Variants in SRD5A3 observed in about 807,000 individuals in gnomAD.
The protein encoded by SRD5A3 is steroid 5 alpha-reductase 3.
In SRD5A3, 24 loss-of-function variants were observed where a neutral mutation model predicts 34.3. The observed-to-expected ratio is 0.70, with a 90% CI of 0.51 to 0.99. SRD5A3 has a LOEUF of 0.99. Ranked by LOEUF, SRD5A3 falls within the 50% of genes least tolerant of loss-of-function variation. SRD5A3 has a pLI of 0.00. For missense variants in SRD5A3, 350 were observed against 388.2 expected (o/e 0.90, Z 0.83); for synonymous variants, 161 against 167.3 (o/e 0.96, Z 0.29).
At chr4:55,352,241 A>C (rs956821911) in intron 1 of SRD5A3, 3 of 926,392 alleles carry the variant, frequency 3.2e-6, no homozygotes, top group Non-Finnish European at 5.4e-6. Flanking sequence ...TATATTGGAA[A>C]AATAAGCAGG....
Position 55,369,693 on chromosome 4 carries a change from T to C in SRD5A3, c.698-139T>C, listed in dbSNP as rs819267. ...CTACAGTGAGCCATGACTGCACGAC[T>C]GCACTCCAGCCTGGACAACAGAGCA... On this transcript the variant is annotated intron_variant, in intron 4 of 4. Coordinates refer to ENST00000264228, the MANE Select transcript of SRD5A3 (RefSeq NM_024592.5). 0.29 allele frequency: 284,511 copies of C among 980,510 alleles called. 43,148 individuals are homozygous for C. The highest frequency in any genetic ancestry group is 0.39 in the South Asian group (25,333 of 64,566). The allele number at this position is 980,510 out of a possible 1,614,324, so 60.7% of individuals were successfully genotyped here.
chr4:55,365,964 G>A (rs1188825446), intron 3 of SRD5A3, among the ~76,000 whole-genome samples: 1 of 152,198 alleles, frequency 6.6e-6, no homozygotes, highest in Non-Finnish European at 1.5e-5. Context: ...ATTTCACAGG[G>A]TTCTTCTTAA....
chr4:55,359,054 C>T, intron 1 of SRD5A3: 1 of 394,290 alleles, frequency 2.5e-6, no homozygotes, highest in Non-Finnish European at 4.8e-6. Context: ...AATTCTGTTA[C>T]CCAGCAATCA....
chr4:55,352,200 A>C, intron 1 of SRD5A3: 1 of 957,714 alleles, frequency 1.0e-6, no homozygotes, highest in South Asian at 1.3e-5. Flanking sequence ...GGTATCAATG[A>C]GGATGTGGTA....
At chr4:55,352,554 G>A (rs1377659894) in intron 1 of SRD5A3, 4 of 462,360 alleles carry the variant, frequency 8.7e-6, no homozygotes, top group African/African-American at 6.0e-5. Flanking sequence ...TGTCTTGTTT[G>A]CTACCATATC....
intron 1 of SRD5A3, among the ~76,000 whole-genome samples, chr4:55,355,374 C>T (rs191086405): frequency 1.3e-5 from 2 of 151,578 alleles, no homozygotes; most frequent in Admixed American, 1.3e-4. Flanking sequence ...AGGAGAATGG[C>T]GTGAACCCAG....
chr4:55,352,545 G>A (rs1409599245), intron 1 of SRD5A3: 14 of 469,928 alleles, frequency 3.0e-5, no homozygotes, highest in Non-Finnish European at 4.6e-5. Flanking sequence ...GTTTATATTT[G>A]TCTTGTTTGC....
Position 55,367,490 on chromosome 4 carries a change from A to G in SRD5A3, c.563-98A>G, listed in dbSNP as rs1719945609. 5.7e-6 allele frequency: 8 copies of G among 1,403,246 alleles called. No homozygotes were observed. The South Asian group carries it at 7.0e-5, about 12-fold the overall frequency. The allele number at this position is 1,403,246 out of a possible 1,614,324, so 86.9% of individuals were successfully genotyped here. ...TTATATTAGGATATTGAGGAACGGAATAAGTGGATAATTGTGTTTCTGCTG... is the reference window on the plus strand; with the variant it reads ...TTATATTAGGATATTGAGGAACGGAGTAAGTGGATAATTGTGTTTCTGCTG... On this transcript the variant is annotated intron_variant, in intron 3 of 4. Coordinates refer to ENST00000264228, the MANE Select transcript of SRD5A3 (RefSeq NM_024592.5).
At chr4:55,346,780 G>C (rs1234587182) in intron 1 of SRD5A3, among the ~76,000 whole-genome samples, 1 of 152,224 alleles carries the variant, frequency 6.6e-6, no homozygotes, top group African/African-American at 2.4e-5. Flanking sequence ...GACGCCGAGG[G>C]AGAGCGGAGC....
At chr4:55,349,534 ATT>A (rs561134776) in intron 1 of SRD5A3, among the ~76,000 whole-genome samples, 3 of 143,152 alleles carry the variant, frequency 2.1e-5, no homozygotes, top group Admixed American at 7.0e-5. Context: ...TGTCTGGTAG[ATT>A]TTTTTTTTTT....
chr4:55,347,397 G>A (rs1184409729), intron 1 of SRD5A3, among the ~76,000 whole-genome samples: 4 of 152,318 alleles, frequency 2.6e-5, no homozygotes, highest in African/African-American at 9.6e-5. Context: ...AGGAGGCTGA[G>A]GCAGGCGGAT....
At chr4:55,359,283 TCC>T in intron 1 of SRD5A3, 61 bp from the exon 2 acceptor site, 3 of 1,604,064 alleles carry the variant, frequency 1.9e-6, no homozygotes, top group Non-Finnish European at 2.6e-6. Flanking sequence ...AAAATAATCT[TCC>T]CGTATAAGAG....
rs1720171421 is a variant in SRD5A3, at chr4:55,372,748, T to A, written c.*2657T>A. 1 of 152,176 alleles carries A rather than the reference T, an allele frequency of 6.6e-6. No individual in the cohort carries two copies. Among genetic ancestry groups the A allele is most frequent in the Non-Finnish European group, 1.5e-5 (1 of 68,028 alleles). 9.4% of individuals were successfully genotyped at this position (152,176 alleles called of 1,614,324 possible). A position where few individuals can be genotyped will look rare whatever the true frequency, so the allele number is the denominator to read the frequency against. Reference sequence around the variant, plus strand: ...TACCATTAAGTCGGGGAAATGACATTGAACTACCTCATTAGCAGCCTTCCC... The same window carrying A: ...TACCATTAAGTCGGGGAAATGACATAGAACTACCTCATTAGCAGCCTTCCC... On this transcript the variant is annotated 3_prime_UTR_variant, in exon 5 of 5. Coordinates refer to ENST00000264228, the MANE Select transcript of SRD5A3 (RefSeq NM_024592.5).
chr4:55,369,918 A>T lies in SRD5A3; in HGVS notation c.784A>T (p.Ile262Phe), dbSNP rs1413265581. The change falls in exon 5 of 5, where the codon ATC becomes TTC. Residue 262 changes from isoleucine to phenylalanine, a missense_variant. Coordinates refer to ENST00000264228, the MANE Select transcript of SRD5A3 (RefSeq NM_024592.5). ...SSPNYLAELM[I>F]YVSMAVTFGF... Reference sequence around the variant, plus strand: ...CCCTAACTACTTAGCAGAGCTGATGATCTACGTTTCCATGGCCGTCACCTT... The same window carrying T: ...CCCTAACTACTTAGCAGAGCTGATGTTCTACGTTTCCATGGCCGTCACCTT... 6.2e-7 allele frequency: 1 copy of T among 1,614,170 alleles called. No homozygotes were observed. Among genetic ancestry groups the T allele is most frequent in the Non-Finnish European group, 8.5e-7 (1 of 1,180,032 alleles).
At position 55,359,114 on chromosome 4, in the gene SRD5A3, T is replaced by C. The variant is rs899122713; in HGVS notation, c.222-232T>C. ...TCTAAGTTTAACACAGTTGGTTGTGTTCTTGTTAACCTCAGAGAGGCCTCT... is the reference window on the plus strand; with the variant it reads ...TCTAAGTTTAACACAGTTGGTTGTGCTCTTGTTAACCTCAGAGAGGCCTCT... On this transcript the variant is annotated intron_variant, in intron 1 of 4. Coordinates refer to ENST00000264228, the MANE Select transcript of SRD5A3 (RefSeq NM_024592.5). The C allele has an allele frequency of 1.5e-5, 8 of 523,512 alleles. No homozygotes were observed. In the African/African-American group the frequency reaches 1.5e-4, roughly 10 times the overall value. 32.4% of individuals were successfully genotyped at this position (523,512 alleles called of 1,614,324 possible).
Position 55,370,060 on chromosome 4 carries a change from A to C in SRD5A3, c.926A>C (p.His309Pro). 1 of 1,614,038 alleles carries C rather than the reference A, an allele frequency of 6.2e-7. No individual in the cohort carries two copies. The highest frequency in any genetic ancestry group is 1.7e-4 in the Middle Eastern group (1 of 5,956). The change falls in exon 5 of 5, where the codon CAT becomes CCT. Residue 309 changes from histidine to proline, a missense_variant. Physicochemically the swap from His to Pro is moderately conservative, Grantham distance 77. This residue lies in a region of SRD5A3 where 186 missense variants were observed against 221.4 expected (regional missense o/e 0.84). Coordinates refer to ENST00000264228, the MANE Select transcript of SRD5A3 (RefSeq NM_024592.5). ...YKSKFVSYPK[H>P]RKAFLPFLF ...AGCAAATTTGTCTCTTACCCGAAGC[A>C]TAGGAAAGCTTTCCTACCATTTTTG...
At chr4:55,365,592 T>C (rs1350780211) in intron 3 of SRD5A3, 1 of 152,252 alleles carries the variant, frequency 6.6e-6, no homozygotes, top group Non-Finnish European at 1.5e-5. Context: ...AGCGTGTTCT[T>C]GTTTGTTGGC....
intron 1 of SRD5A3, among the ~76,000 whole-genome samples, chr4:55,355,440 A>G (rs1015604510): frequency 3.3e-5 from 5 of 151,714 alleles, no homozygotes; most frequent in Non-Finnish European, 7.4e-5. Context: ...CCTGGGCAAC[A>G]GAGCGAGACT....
intron 4 of SRD5A3, among the ~76,000 whole-genome samples, chr4:55,367,985 A>G (rs1719967562): frequency 6.6e-6 from 1 of 152,190 alleles, no homozygotes; most frequent in South Asian, 2.1e-4. Flanking sequence ...TAGTGTTACC[A>G]TGGAGTTAGT....
Sources: gnomAD v4.1 joint callset for allele counts (sites outside exome capture counted in the v4.1 genomes callset) on GRCh38, gnomAD v4.1.1 for gene constraint, gnomAD v4.1.1 regional missense constraint, MANE v1.5 for transcripts, NCBI Gene and HGNC (gene_info 2026-07-23, HGNC 2026-07-21) for gene names.